The following CDH6 variants were observed in gnomAD, a reference collection of about 807,000 sequenced individuals.
CDH6 encodes the protein cadherin 6, also known as cadherin-6.
A neutral mutation model predicts 78.0 loss-of-function variants in CDH6; 31 were observed. The observed-to-expected ratio is 0.40, with a 90% confidence interval of 0.30 to 0.54. The LOEUF (loss-of-function observed/expected upper bound fraction) is 0.54, where lower values mean the gene tolerates loss of function less well. Among genes scored for constraint, CDH6 ranks in the 20% least tolerant of loss-of-function variants. The pLI, the probability that CDH6 is intolerant of heterozygous loss-of-function variation, is 0.56. For synonymous variants in CDH6, 376 were observed against 368.8 expected (o/e 1.02, Z -0.23); for missense variants, 724 against 975.9 (o/e 0.74, Z 3.44).
At chr5:31,305,029 G>C in intron 6 of CDH6, 145 bp from the exon 7 acceptor site, 1 of 796,228 alleles carries the variant, frequency 1.3e-6, no homozygotes, top group Non-Finnish European at 2.0e-6. Flanking sequence ...TTCTCCCTTT[G>C]CCCAATATCA....
intron 2 of CDH6, among the ~76,000 whole-genome samples, chr5:31,292,766 C>CGTGTGT (rs148045734): frequency 0.99 from 145,777 of 147,132 alleles, 72,240 homozygotes; most frequent in Non-Finnish European, 1. Flanking sequence ...TATATATGTG[C>CGTGTGT]GTGTGTGTAT....
intron 1 of CDH6, among the ~76,000 whole-genome samples, chr5:31,196,694 A>G (rs1409551091): frequency 6.6e-6 from 1 of 152,182 alleles, no homozygotes; most frequent in African/African-American, 2.4e-5. Context: ...TCAAATCATT[A>G]TTGCTATTAT....
intron 5 of CDH6, among the ~76,000 whole-genome samples, chr5:31,300,298 C>T (rs938280296): frequency 1.3e-5 from 2 of 152,088 alleles, no homozygotes; most frequent in African/African-American, 4.8e-5. Context: ...AACTTTTCAT[C>T]CAGGAACAAA....
At chr5:31,228,004 T>C (rs187748026) in intron 1 of CDH6, among the ~76,000 whole-genome samples, 4 of 152,298 alleles carry the variant, frequency 2.6e-5, no homozygotes, top group Non-Finnish European at 4.4e-5. Flanking sequence ...CCTGTCGGTG[T>C]GCTTGTGTTC....
chr5:31,231,384 A>G (rs72749657), intron 1 of CDH6, among the ~76,000 whole-genome samples: 4,174 of 152,256 alleles, frequency 0.027, 78 homozygotes, highest in South Asian at 0.05. Flanking sequence ...CCCATGAATC[A>G]TATTTAAAGC....
intron 1 of CDH6, among the ~76,000 whole-genome samples, chr5:31,206,062 A>G (rs900572002): frequency 1.3e-5 from 2 of 152,160 alleles, no homozygotes; most frequent in African/African-American, 4.8e-5. Context: ...GAGAACCCAC[A>G]TTGTTTGAAC....
At chr5:31,219,994 A>G (rs1740965119) in intron 1 of CDH6, among the ~76,000 whole-genome samples, 1 of 152,232 alleles carries the variant, frequency 6.6e-6, no homozygotes, top group African/African-American at 2.4e-5. Context: ...GGGGAAACTC[A>G]GATACTTACT....
intron 1 of CDH6, among the ~76,000 whole-genome samples, chr5:31,235,452 G>A (rs1433954087): frequency 6.6e-6 from 1 of 151,936 alleles, no homozygotes; most frequent in Non-Finnish European, 1.5e-5. Context: ...TACATTTAGA[G>A]TCTTCTTCTA....
chr5:31,261,089 T>A (rs1350703585), intron 1 of CDH6, among the ~76,000 whole-genome samples: 4 of 150,692 alleles, frequency 2.7e-5, no homozygotes, highest in Non-Finnish European at 5.9e-5. Flanking sequence ...AATACCATAT[T>A]TTTTTTTAAG....
chr5:31,294,307 A>G lies in CDH6; in HGVS notation c.523+51A>G. The G allele has an allele frequency of 1.3e-6, 2 of 1,485,916 alleles. No homozygotes were observed. Among genetic ancestry groups the G allele is most frequent in the Non-Finnish European group, 1.8e-6 (2 of 1,081,824 alleles). The allele number at this position is 1,485,916 out of a possible 1,614,324, so 92.0% of individuals were successfully genotyped here. Reference sequence around the variant, plus strand: ...AAGCTGGCTTTCCCCTAGTGCATCCACTGAGTAAGGAATCCCACGAGCTCA... The same window carrying G: ...AAGCTGGCTTTCCCCTAGTGCATCCGCTGAGTAAGGAATCCCACGAGCTCA... On this transcript the variant is annotated intron_variant, in intron 3 of 11. Transcript: ENST00000265071. The surrounding 1 kb of genome is among the most constrained non-coding windows in gnomAD (Gnocchi z 4.1).
At chr5:31,224,694 C>T (rs779638571) in intron 1 of CDH6, among the ~76,000 whole-genome samples, 23 of 152,134 alleles carry the variant, frequency 1.5e-4, no homozygotes, top group South Asian at 4.1e-4. Flanking sequence ...GCTGGGACTA[C>T]AGGCACGTGC....
At chr5:31,213,050 C>A (rs1488798654) in intron 1 of CDH6, among the ~76,000 whole-genome samples, 2 of 152,146 alleles carry the variant, frequency 1.3e-5, no homozygotes, top group Non-Finnish European at 2.9e-5. Context: ...ATTACTTTTC[C>A]TTCACTGAGA....
intron 1 of CDH6, among the ~76,000 whole-genome samples, chr5:31,247,137 A>G (rs1741774072): frequency 6.6e-6 from 1 of 152,198 alleles, no homozygotes; most frequent in Non-Finnish European, 1.5e-5. Context: ...GAAGAGTTTG[A>G]GAATGGGCTG....
chr5:31,310,389 C>T (rs1406656547), intron 7 of CDH6, among the ~76,000 whole-genome samples: 2 of 152,222 alleles, frequency 1.3e-5, no homozygotes, highest in Admixed American at 1.3e-4. Context: ...ATACAGCCCC[C>T]GAGGCTGCTT....
At chr5:31,252,487 G>C (rs1366828991) in intron 1 of CDH6, among the ~76,000 whole-genome samples, 4 of 152,110 alleles carry the variant, frequency 2.6e-5, no homozygotes, top group African/African-American at 4.8e-5. Flanking sequence ...GCTCCAAATG[G>C]AATGATACCT....
intron 10 of CDH6, 87 bp from the exon 11 acceptor site, chr5:31,317,586 T>C: frequency 6.5e-7 from 1 of 1,533,476 alleles, no homozygotes; most frequent in Admixed American, 1.8e-5. Flanking sequence ...TACATATCTG[T>C]ATCTATATCT....
At chr5:31,302,790 G>GAAAGAAAGAA (rs1737816369) in intron 6 of CDH6, among the ~76,000 whole-genome samples, 1 of 95,320 alleles carries the variant, frequency 1.0e-5, no homozygotes, top group Non-Finnish European at 2.0e-5. Flanking sequence ...GAGAGAGAGA[G>GAAAGAAAGAA]AGAGAGAGAG....
chr5:31,319,463 C>T (rs1455535853), intron 11 of CDH6, among the ~76,000 whole-genome samples: 3 of 152,352 alleles, frequency 2.0e-5, no homozygotes, highest in Non-Finnish European at 4.4e-5. Context: ...ATCCTCAGCA[C>T]CATTTGGTGT....
chr5:31,210,274 G>T (rs1740660898), intron 1 of CDH6, among the ~76,000 whole-genome samples: 1 of 152,154 alleles, frequency 6.6e-6, no homozygotes. Context: ...CAGCACTTTG[G>T]GAGGCCGAGG....
Sources: gnomAD v4.1 joint callset for allele counts (sites outside exome capture counted in the v4.1 genomes callset) on GRCh38, gnomAD v4.1.1 for gene constraint, Gnocchi (gnomAD v3.1) non-coding constraint, MANE v1.5 for transcripts, NCBI Gene and HGNC (gene_info 2026-07-23, HGNC 2026-07-21) for gene names.